ANKS3: variants seen among roughly 807,000 people sequenced by gnomAD.
ANKS3 encodes the protein ankyrin repeat and sterile alpha motif domain containing 3.
A neutral mutation model predicts 80.7 loss-of-function variants in ANKS3; 62 were observed. The ratio of observed to expected loss-of-function variants is 0.77; its 90% CI spans 0.63 to 0.95. ANKS3 has a LOEUF of 0.95. Ranked by LOEUF, ANKS3 falls within the 40% of genes least tolerant of loss-of-function variation. ANKS3 has a pLI of 0.00. For synonymous variants in ANKS3, 489 were observed against 355.3 expected, an observed-to-expected ratio of 1.38 and a Z score of -4.23; for missense variants, 1,150 against 883.6, an observed-to-expected ratio of 1.30 and a Z score of -3.82.
intron 9 of ANKS3, 66 bp from the exon 10 acceptor site, chr16:4,701,609 C>T (rs1025104227): frequency 2.2e-5 from 31 of 1,402,062 alleles, no homozygotes; most frequent in Middle Eastern, 1.8e-4. Flanking sequence ...GGGCGTGCCC[C>T]GGGCTGAGCC....
At chr16:4,720,075 T>C (rs2081008201) in intron 6 of ANKS3, among the ~76,000 whole-genome samples, 2 of 145,654 alleles carry the variant, frequency 1.4e-5, no homozygotes, top group African/African-American at 5.1e-5. Context: ...GCCAGGCGAA[T>C]TGCTTGAGCC....
chr16:4,729,077 A>G (rs541797689), intron 3 of ANKS3, among the ~76,000 whole-genome samples: 26 of 152,342 alleles, frequency 1.7e-4, no homozygotes, highest in Non-Finnish European at 2.6e-4. Context: ...TGTGTGGAAC[A>G]TAAGGGGGTG....
intron 5 of ANKS3, among the ~76,000 whole-genome samples, chr16:4,725,381 T>C (rs1011149984): frequency 3.9e-5 from 6 of 152,310 alleles, no homozygotes; most frequent in African/African-American, 1.4e-4. Context: ...GAACCATGCA[T>C]GGGAAATGCT....
chr16:4,716,707 G>A (rs187319885), intron 6 of ANKS3, among the ~76,000 whole-genome samples: 1 of 151,806 alleles, frequency 6.6e-6, no homozygotes, highest in African/African-American at 2.4e-5. Flanking sequence ...CATAGGTCAT[G>A]AGTTCGAGAC....
intron 9 of ANKS3, 81 bp downstream of exon 9, chr16:4,702,021 C>T: frequency 6.8e-7 from 1 of 1,467,492 alleles, no homozygotes; most frequent in Admixed American, 2.2e-5. Context: ...AGCGCCAGGC[C>T]CAGGGGATAA....
At position 4,701,491 on chromosome 16, in the gene ANKS3, G is replaced by A. The variant is rs150385209; in HGVS notation, c.1062C>T (p.Ser354=). The A allele has an allele frequency of 4.3e-4, 690 of 1,608,872 alleles. 8 individuals are homozygous for A. In the African/African-American group the frequency reaches 7.8e-3, roughly 18 times the overall value. Residue 354 remains serine, a synonymous_variant, in exon 10 of 18, where the codon AGC becomes AGT. Transcript: ENST00000304283. ...GCCCCTGGGCTCTGGCCAGGCCCTC[G>A]CTGCTGCTGCTGCTCTGGACGGGCC... The part of the protein sequence containing the change: ...NLGPVQSSSS[S]EGLARAQGLS...
At chr16:4,716,303 G>C (rs1302429499) in intron 6 of ANKS3, among the ~76,000 whole-genome samples, 4 of 148,572 alleles carry the variant, frequency 2.7e-5, no homozygotes, top group African/African-American at 7.4e-5. Context: ...GGAGGTTGCA[G>C]TGAGCCAAGA....
chr16:4,698,030 C>G lies in ANKS3; in HGVS notation c.1757G>C (p.Arg586Thr). The G allele has an allele frequency of 1.4e-5, 23 of 1,609,634 alleles. No homozygotes were observed. The highest frequency in any genetic ancestry group is 2.0e-5 in the Non-Finnish European group (23 of 1,178,746). Reference sequence around the variant, plus strand: ...GGCTGCACCAGGGGGCTGGTCCTGCCTCACTCGAGATGACAGCTCAGCTTG... The same window carrying G: ...GGCTGCACCAGGGGGCTGGTCCTGCGTCACTCGAGATGACAGCTCAGCTTG... ...ACQAELSSRV[R>T]QDQPPGAATL... The change falls in exon 15 of 18, where the codon AGG becomes ACG. Residue 586 changes from arginine (R) to threonine (T), a missense_variant. Physicochemically the swap from Arg to Thr is moderately conservative, Grantham distance 71. Transcript: ENST00000304283.
rs115620000 is a variant in ANKS3, at chr16:4,698,107, C to A, written c.1725-45G>T. 1.5e-3 allele frequency: 2,318 copies of A among 1,542,402 alleles called. 31 individuals carry two copies. The African/African-American group carries it at 0.028, about 19-fold the overall frequency. On this transcript the variant is annotated intron_variant, in intron 14 of 17. Transcript: ENST00000304283. ...ATATTGGTGAGAGCAGAGGCCTGGCCGCTGCAGAGCCCCCACCTCAGACCT... is the reference window on the plus strand; with the variant it reads ...ATATTGGTGAGAGCAGAGGCCTGGCAGCTGCAGAGCCCCCACCTCAGACCT...
chr16:4,708,384 T>C (rs1451368808), intron 7 of ANKS3, among the ~76,000 whole-genome samples: 1 of 152,046 alleles, frequency 6.6e-6, no homozygotes, highest in Non-Finnish European at 1.5e-5. Context: ...AAGGAAAGTA[T>C]TAAATACAGA....
intron 11 of ANKS3, 38 bp from the exon 12 acceptor site, chr16:4,699,214 C>T (rs751165448): frequency 6.2e-7 from 1 of 1,609,108 alleles, no homozygotes; most frequent in Non-Finnish European, 8.5e-7. Context: ...GAGGTAGTGG[C>T]TGACGACGAA....
Position 4,734,247 on chromosome 16 carries a change from C to G in ANKS3, c.-380G>C, listed in dbSNP as rs1596476969. On this transcript the variant is annotated 5_prime_UTR_variant, in exon 1 of 18. Transcript: ENST00000304283. ...CCGCCACGCTCCCTCGCCGGGGCAC[C>G]GCCCCCGGCACCCGCCCCGGAAGTA... 1 of 157,634 alleles carries G rather than the reference C, an allele frequency of 6.3e-6. No homozygotes were observed. Among genetic ancestry groups the G allele is most frequent in the East Asian group, 1.9e-4 (1 of 5,174 alleles). The allele number at this position is 157,634 out of a possible 1,614,324, so 9.8% of individuals were successfully genotyped here. A position where few individuals can be genotyped will look rare whatever the true frequency, so the allele number is the denominator to read the frequency against.
At chr16:4,725,021 G>A (rs2081285220) in intron 5 of ANKS3, 190 bp from the exon 6 acceptor site, 2 of 499,496 alleles carry the variant, frequency 4.0e-6, no homozygotes, top group African/African-American at 3.9e-5. Flanking sequence ...TTACTCTTCT[G>A]GTGTCTGTCC....
rs1326956840 is a variant in ANKS3 at position 4,721,044 on chromosome 16, G to A, written c.573+3706C>T. Among the ~76,000 whole-genome samples the A allele has an allele frequency of 8.0e-5, 12 of 149,650 alleles. No individual in the cohort carries two copies. The South Asian group carries it at 8.4e-4, about 11-fold the overall frequency. On this transcript the variant is annotated intron_variant, in intron 6 of 17. Transcript: ENST00000304283. Reference sequence around the variant, plus strand: ...AGAGAGGCCAGGCACGGTGGCTCACGCCTGTAATCCCAGCACTTTGGGAGG... The same window carrying A: ...AGAGAGGCCAGGCACGGTGGCTCACACCTGTAATCCCAGCACTTTGGGAGG...
At chr16:4,704,280 C>T (rs1334782947) in intron 8 of ANKS3, among the ~76,000 whole-genome samples, 1 of 152,168 alleles carries the variant, frequency 6.6e-6, no homozygotes, top group Non-Finnish European at 1.5e-5. Context: ...TACTGGTGGA[C>T]CCCTGGCTGA....
chr16:4,732,350 C>T (rs1191220901), intron 1 of ANKS3, among the ~76,000 whole-genome samples: 4 of 152,140 alleles, frequency 2.6e-5, no homozygotes, highest in Non-Finnish European at 5.9e-5. Context: ...GTCTCTTCCA[C>T]GCCAAAGGCC....
intron 7 of ANKS3, among the ~76,000 whole-genome samples, chr16:4,710,537 C>A (rs1356922383): frequency 6.6e-6 from 1 of 152,082 alleles, no homozygotes; most frequent in East Asian, 1.9e-4. Context: ...GGCAAAACCA[C>A]CTCTCTACAA....
chr16:4,730,387 G>T, intron 2 of ANKS3: 1 of 376,022 alleles, frequency 2.7e-6, no homozygotes, highest in Non-Finnish European at 4.7e-6. Context: ...CACATATGGT[G>T]AGGCATTAAC....
chr16:4,698,722 G>T, intron 13 of ANKS3, 78 bp downstream of exon 13: 1 of 1,548,826 alleles, frequency 6.5e-7, no homozygotes, highest in Non-Finnish European at 8.7e-7. Context: ...CCTCCACACA[G>T]CACCCACCTT....
Sources: gnomAD v4.1 joint callset for allele counts (sites outside exome capture counted in the v4.1 genomes callset) on GRCh38, gnomAD v4.1.1 for gene constraint, MANE v1.5 for transcripts, NCBI Gene and HGNC (gene_info 2026-07-23, HGNC 2026-07-21) for gene names.